IGF1R: variants seen among roughly 807,000 people sequenced by gnomAD.
IGF1R encodes the protein insulin like growth factor 1 receptor, also known as insulin-like growth factor 1 receptor.
Under a neutral mutation model 144.6 loss-of-function variants are expected in IGF1R, and 44 were observed. That is an observed-to-expected ratio of 0.30 (90% confidence interval 0.24 to 0.39). The LOEUF (loss-of-function observed/expected upper bound fraction) is 0.39. Ranked by LOEUF, IGF1R falls within the 10% of genes least tolerant of loss-of-function variation. The pLI, the probability that IGF1R is intolerant of heterozygous loss-of-function variation, is 1.00. For synonymous variants in IGF1R, 795 were observed against 722.8 expected (o/e 1.10, Z -1.60); for missense variants, 1,355 against 1,833.7 (o/e 0.74, Z 4.77).
intron 2 of IGF1R, among the ~76,000 whole-genome samples, chr15:98,832,268 C>CGTT (rs2057015768): frequency 6.6e-6 from 1 of 152,124 alleles, no homozygotes; most frequent in Non-Finnish European, 1.5e-5. Context: ...AGCGGTTAAA[C>CGTT]AGTTAAGAGG....
intron 19 of IGF1R, among the ~76,000 whole-genome samples, chr15:98,946,254 A>T (rs879669123): frequency 6.6e-6 from 1 of 151,964 alleles, no homozygotes; most frequent in Admixed American, 6.5e-5. Context: ...CAGGCATGGC[A>T]GTAGGGAGCA....
At chr15:98,904,125 T>C (rs2014614842) in intron 5 of IGF1R, among the ~76,000 whole-genome samples, 1 of 149,370 alleles carries the variant, frequency 6.7e-6, no homozygotes, top group South Asian at 2.1e-4. Flanking sequence ...CTGTCTCGGA[T>C]CACTGCAAGC....
intron 2 of IGF1R, among the ~76,000 whole-genome samples, chr15:98,729,931 G>C (rs2054458948): frequency 6.6e-6 from 1 of 152,164 alleles, no homozygotes; most frequent in Non-Finnish European, 1.5e-5. Flanking sequence ...CCTGTCTGCA[G>C]GTCCATGATA....
rs781247707 is a variant in IGF1R at position 98,795,540 on chromosome 15, G to A, written c.640+87433G>A. Among the ~76,000 whole-genome samples, 5 of 151,932 alleles carry A rather than the reference G, an allele frequency of 3.3e-5. No homozygotes were observed. In the East Asian group the frequency reaches 7.7e-4, roughly 23 times the overall value. On this transcript the variant is annotated intron_variant, in intron 2 of 20. Coordinates refer to ENST00000650285, the MANE Select transcript of IGF1R (RefSeq NM_000875.5). The stretch of plus-strand genomic sequence containing the variant: ...TGCCATTCTCCTGCCTCAGCCTCCC[G>A]AGCAGCTGGGACTGCAGGCACCCGC...
At chr15:98,787,535 C>G (rs1365073764) in intron 2 of IGF1R, among the ~76,000 whole-genome samples, 1 of 152,124 alleles carries the variant, frequency 6.6e-6, no homozygotes, top group Non-Finnish European at 1.5e-5. Flanking sequence ...AAATGTTGGA[C>G]CTTTGGGAAG....
intron 4 of IGF1R, among the ~76,000 whole-genome samples, chr15:98,898,534 C>T (rs768040553): frequency 5.9e-5 from 9 of 152,198 alleles, no homozygotes; most frequent in Non-Finnish European, 8.8e-5. Flanking sequence ...CTCATCTTTC[C>T]AACTTGAACT....
intron 2 of IGF1R, among the ~76,000 whole-genome samples, chr15:98,733,475 C>T (rs1366052588): frequency 6.9e-6 from 1 of 145,556 alleles, no homozygotes; most frequent in Non-Finnish European, 1.5e-5. Context: ...AGCCACTGTA[C>T]CTGGCTGAGA....
chr15:98,727,920 G>A (rs891882973), intron 2 of IGF1R, among the ~76,000 whole-genome samples: 6 of 151,174 alleles, frequency 4.0e-5, no homozygotes, highest in African/African-American at 9.7e-5. Flanking sequence ...CTGGCCTGCC[G>A]ACTCAAAGTA....
In IGF1R at chr15:98,725,754, G is replaced by T. The variant is rs185451576; in HGVS notation, c.640+17647G>T. ...TGTGAAGAAAAAGAGGTTTTAATTG[G>T]ACTTACAATTCCACATGGCTGGGGA... On this transcript the variant is annotated intron_variant, in intron 2 of 20. Transcript: ENST00000650285. Among the ~76,000 whole-genome samples, 250 of 152,328 alleles carry T rather than the reference G, an allele frequency of 1.6e-3. 2 individuals carry two copies. The highest frequency in any genetic ancestry group is 4.1e-4 in the Non-Finnish European group (28 of 68,030).
Position 98,919,601 on chromosome 15 carries a change from G to C in IGF1R, c.2202-2547G>C, listed in dbSNP as rs373864364. Reference sequence around the variant, plus strand: ...GTGTTGGGTTCAAAACAAGTTTCCTGTGTTCTACTGGAGAAGTGTGTTTAT... The same window carrying C: ...GTGTTGGGTTCAAAACAAGTTTCCTCTGTTCTACTGGAGAAGTGTGTTTAT... On this transcript the variant is annotated intron_variant, in intron 10 of 20. Coordinates refer to ENST00000650285, the MANE Select transcript of IGF1R (RefSeq NM_000875.5). Among the ~76,000 whole-genome samples the C allele has an allele frequency of 7.2e-5, 11 of 152,294 alleles. No homozygotes were observed. In the East Asian group the frequency reaches 1.5e-3, roughly 21 times the overall value.
intron 1 of IGF1R, among the ~76,000 whole-genome samples, chr15:98,680,154 T>C (rs1202945131): frequency 3.9e-5 from 6 of 152,210 alleles, no homozygotes; most frequent in Admixed American, 1.3e-4. Context: ...TCTACAGTAG[T>C]GTACAGTAAT....
intron 2 of IGF1R, among the ~76,000 whole-genome samples, chr15:98,764,074 G>A (rs754067645): frequency 1.5e-4 from 23 of 152,150 alleles, no homozygotes; most frequent in Non-Finnish European, 1.6e-4. Flanking sequence ...GTTCTTGTGA[G>A]GGCTGTATTA....
chr15:98,849,921 A>C (rs909482363), intron 2 of IGF1R, among the ~76,000 whole-genome samples: 2 of 152,248 alleles, frequency 1.3e-5, no homozygotes, highest in Admixed American at 1.3e-4. Flanking sequence ...CTCTTTGGAA[A>C]ACAACCCCAC....
intron 2 of IGF1R, among the ~76,000 whole-genome samples, chr15:98,722,644 C>CT (rs1856616057): frequency 6.6e-6 from 1 of 152,164 alleles, no homozygotes; most frequent in African/African-American, 2.4e-5. Flanking sequence ...GAACCCTACC[C>CT]TGGAAGGCTG....
intron 2 of IGF1R, among the ~76,000 whole-genome samples, chr15:98,751,142 C>T (rs1013390469): frequency 5.9e-5 from 9 of 152,168 alleles, no homozygotes; most frequent in African/African-American, 1.2e-4. Flanking sequence ...AGCCTCTGAT[C>T]GTTACATGTT....
chr15:98,850,663 T>C (rs568642786), intron 2 of IGF1R, among the ~76,000 whole-genome samples: 1 of 152,034 alleles, frequency 6.6e-6, no homozygotes, highest in African/African-American at 2.4e-5. Flanking sequence ...AAAGCATAAC[T>C]GGCAGAGGAA....
chr15:98,779,422 T>A (rs2055799915), intron 2 of IGF1R, among the ~76,000 whole-genome samples: 1 of 152,270 alleles, frequency 6.6e-6, no homozygotes, highest in Non-Finnish European at 1.5e-5. Context: ...TGTACCATTC[T>A]AAGCACTTTA....
chr15:98,701,944 A>G lies in IGF1R; in HGVS notation c.95-5618A>G, dbSNP rs544481756. Among the ~76,000 whole-genome samples, 298 of 150,642 alleles carry G rather than the reference A, an allele frequency of 2.0e-3. 3 individuals are homozygous for G. Among genetic ancestry groups the G allele is most frequent in the Non-Finnish European group, 2.6e-3 (176 of 67,404 alleles). On this transcript the variant is annotated intron_variant, in intron 1 of 20. Coordinates refer to ENST00000650285, the MANE Select transcript of IGF1R (RefSeq NM_000875.5). Reference sequence around the variant, plus strand: ...GGTAGGTAGTGACAGCCCATTTTGCAGGTGAGGAAGATGGGGTTTAGAGGT... The same window carrying G: ...GGTAGGTAGTGACAGCCCATTTTGCGGGTGAGGAAGATGGGGTTTAGAGGT...
intron 2 of IGF1R, among the ~76,000 whole-genome samples, chr15:98,789,649 A>C (rs1804031855): frequency 6.6e-6 from 1 of 152,226 alleles, no homozygotes; most frequent in Admixed American, 6.5e-5. Flanking sequence ...TGGGCCACGC[A>C]GCTTTTTCTT....
Sources: gnomAD v4.1 joint callset for allele counts (sites outside exome capture counted in the v4.1 genomes callset) on GRCh38, gnomAD v4.1.1 for gene constraint, MANE v1.5 for transcripts, NCBI Gene and HGNC (gene_info 2026-07-23, HGNC 2026-07-21) for gene names.